PRKAR1A: variants seen among roughly 807,000 people sequenced by gnomAD.
PRKAR1A encodes the protein protein kinase cAMP-dependent type I regulatory subunit alpha.
PRKAR1A carries 3 observed loss-of-function variants against 52.0 expected under a neutral mutation model. The observed-to-expected ratio is 0.06, with a 90% CI of 0.03 to 0.15. PRKAR1A has a LOEUF of 0.15. Ranked by LOEUF, PRKAR1A falls within the 10% of genes least tolerant of loss-of-function variation. The probability of loss-of-function intolerance (pLI) is 1.00; values close to 1 mark genes in which losing one functional copy is unlikely to be tolerated. For missense variants in PRKAR1A, 240 were observed against 477.4 expected, an observed-to-expected ratio of 0.50 and a Z score of 4.63; for synonymous variants, 188 against 168.4, an observed-to-expected ratio of 1.12 and a Z score of -0.90.
intron 11 of PRKAR1A, chr17:68,543,574 C>T (rs535049774): frequency 1.3e-6 from 2 of 1,516,576 alleles, no homozygotes; most frequent in South Asian, 1.1e-5. Context: ...CTAGCCACCC[C>T]TCCCAGAGGA....
In PRKAR1A at chr17:68,529,062, G is replaced by A. The variant is rs2085882791; in HGVS notation, c.891+71G>A. ...TCAGAATTTAATACTTTAAAAAGTT[G>A]TACGCTCTAAGAGGGAAAGAGTGGG... On this transcript the variant is annotated intron_variant, in intron 9 of 10. Coordinates refer to ENST00000589228, the MANE Select transcript of PRKAR1A (RefSeq NM_002734.5). 3 of 1,585,454 alleles carry A rather than the reference G, an allele frequency of 1.9e-6. No homozygotes were observed. The South Asian group carries it at 3.3e-5, about 18-fold the overall frequency.
the PRKAR1A span, among the ~76,000 whole-genome samples, chr17:68,486,374 C>T: frequency 4.7e-5 from 5 of 106,222 alleles, no homozygotes; most frequent in African/African-American, 1.8e-4. Context: ...TCCTCTTATT[C>T]TTTCTTTCTT....
At chr17:68,445,557 C>A in the PRKAR1A span, among the ~76,000 whole-genome samples, 2 of 152,344 alleles carry the variant, frequency 1.3e-5, no homozygotes, top group Admixed American at 6.5e-5. Context: ...CCTTCCTGGG[C>A]TCCTCTCTCT....
intron 11 of PRKAR1A, chr17:68,540,059 T>C (rs912789480): frequency 3.4e-5 from 37 of 1,085,904 alleles, no homozygotes; most frequent in Non-Finnish European, 4.8e-5. Context: ...AGGCCTGTCA[T>C]CACTTGAGAG....
At chr17:68,466,711 C>T in the PRKAR1A span, among the ~76,000 whole-genome samples, 1 of 152,098 alleles carries the variant, frequency 6.6e-6, no homozygotes, top group Non-Finnish European at 1.5e-5. Context: ...CGTGCCCAAC[C>T]ATGTTTTCTC....
At chr17:68,441,545 G>T in the PRKAR1A span, among the ~76,000 whole-genome samples, 1 of 152,180 alleles carries the variant, frequency 6.6e-6, no homozygotes, top group South Asian at 2.1e-4. Context: ...GGCCTCTGGG[G>T]AATGTATAAT....
At chr17:68,516,207 C>G (rs775640412) in intron 2 of PRKAR1A, among the ~76,000 whole-genome samples, 3 of 152,094 alleles carry the variant, frequency 2.0e-5, no homozygotes, top group Non-Finnish European at 4.4e-5. Flanking sequence ...TTCCTCCTTG[C>G]TTGTATGTCA....
chr17:68,417,963 C>T, the PRKAR1A span, among the ~76,000 whole-genome samples: 1 of 151,890 alleles, frequency 6.6e-6, no homozygotes, highest in Admixed American at 6.6e-5. Flanking sequence ...AACTCCTGAC[C>T]TCATGATCCG....
the PRKAR1A span, among the ~76,000 whole-genome samples, chr17:68,476,410 TA>T: frequency 6.6e-6 from 1 of 152,196 alleles, no homozygotes; most frequent in Non-Finnish European, 1.5e-5. Context: ...TTAAAAGAGA[TA>T]TTTTTAGAAA....
rs370397996 is a variant in PRKAR1A at position 68,541,979 on chromosome 17, A to C, written c.974-9105A>C. On this transcript the variant is annotated intron_variant, in intron 11 of 11. Transcript: ENST00000585981. ...ACTGGGCTGTGTGGCCTGGGGACCA[A>C]CTCACTCCTCTTTTCCTGCCAGTGT... 8 of 1,612,274 alleles carry C rather than the reference A, an allele frequency of 5.0e-6. No individual in the cohort carries two copies. The Admixed American group carries it at 6.7e-5, about 13-fold the overall frequency.
At chr17:68,431,272 G>A in the PRKAR1A span, among the ~76,000 whole-genome samples, 8 of 152,288 alleles carry the variant, frequency 5.3e-5, no homozygotes, top group South Asian at 2.1e-4. Context: ...GTTCCTTAAC[G>A]TTTCCGTGTC....
At chr17:68,534,141 G>T (rs114360302), downstream of PRKAR1A, among the ~76,000 whole-genome samples, 629 of 152,282 alleles carry the variant, frequency 4.1e-3, 7 homozygotes, top group African/African-American at 0.015. Flanking sequence ...TTATGTACAT[G>T]TACCGCTAAC....
At chr17:68,547,091 T>C (rs535229141) in intron 11 of PRKAR1A, among the ~76,000 whole-genome samples, 1 of 151,936 alleles carries the variant, frequency 6.6e-6, no homozygotes, top group African/African-American at 2.4e-5. Context: ...TGTTAACAGA[T>C]GTGTGGTCAT....
chr17:68,530,198 C>G lies in PRKAR1A; in HGVS notation c.974-79C>G, dbSNP rs2085933897. The G allele has an allele frequency of 2.6e-6, 4 of 1,558,314 alleles. No individual in the cohort carries two copies. The South Asian group carries it at 3.3e-5, about 13-fold the overall frequency. On this transcript the variant is annotated intron_variant, in intron 10 of 10. Transcript: ENST00000589228. ...TTACTGATTGTCTCATATCTATTGTCTTCTTTCTCAGAAGTGCACTGCTTT... is the reference window on the plus strand; with the variant it reads ...TTACTGATTGTCTCATATCTATTGTGTTCTTTCTCAGAAGTGCACTGCTTT...
chr17:68,532,581 T>C lies in PRKAR1A; in HGVS notation c.*2132T>C. ...TATTCAAGGCTTTAAAAGTCATTAT[T>C]CCTGGGCTTGGTAAGTGAATTTATG... On this transcript the variant is annotated 3_prime_UTR_variant, in exon 11 of 11. Coordinates refer to ENST00000589228, the MANE Select transcript of PRKAR1A (RefSeq NM_002734.5). 1.9e-6 allele frequency: 2 copies of C among 1,066,246 alleles called. No individual in the cohort carries two copies. Among genetic ancestry groups the C allele is most frequent in the Non-Finnish European group, 2.3e-6 (2 of 879,636 alleles). 66.0% of individuals were successfully genotyped at this position (1,066,246 alleles called of 1,614,324 possible). A position where few individuals can be genotyped will look rare whatever the true frequency, so the allele number is the denominator to read the frequency against.
the PRKAR1A span, chr17:68,421,435 A>G: frequency 9.9e-6 from 3 of 302,954 alleles, no homozygotes; most frequent in African/African-American, 2.1e-5. Flanking sequence ...AGATGTTCCT[A>G]TAAGTACATT....
the PRKAR1A span, chr17:68,421,380 G>A: frequency 2.3e-5 from 4 of 173,032 alleles, no homozygotes; most frequent in East Asian, 5.9e-4. Context: ...CTGGCTAAAA[G>A]AGTCTCTCTC....
chr17:68,514,129 T>G (rs2085356374), intron 1 of PRKAR1A, among the ~76,000 whole-genome samples: 2 of 152,240 alleles, frequency 1.3e-5, no homozygotes, highest in South Asian at 4.1e-4. Context: ...CTAATTTATG[T>G]GCTTGTCTTG....
At chr17:68,541,257 C>T in intron 11 of PRKAR1A, 1 of 407,824 alleles carries the variant, frequency 2.5e-6, no homozygotes, top group Admixed American at 3.6e-5. Context: ...CCCTCACCTG[C>T]TTCCTCGTCC....
Sources: allele counts gnomAD v4.1 joint callset (sites outside exome capture counted in the v4.1 genomes callset), GRCh38; gene constraint gnomAD v4.1.1; transcripts MANE v1.5; gene names NCBI Gene and HGNC (gene_info 2026-07-23, HGNC 2026-07-21).